The following SCARA5 variants were observed in gnomAD, a reference collection of about 807,000 sequenced individuals.
SCARA5 encodes the protein scavenger receptor class A, member 5 (putative).
In SCARA5, 45 loss-of-function variants were observed where a neutral mutation model predicts 46.3. That is an observed-to-expected ratio of 0.97 (90% CI 0.76 to 1.24). SCARA5 has a LOEUF of 1.24. SCARA5 is among the 50% of genes most tolerant of loss of function. SCARA5 has a pLI of 0.00. For synonymous variants in SCARA5, 333 were observed against 306.5 expected, an observed-to-expected ratio of 1.09 and a Z score of -0.90; for missense variants, 680 against 689.0, an observed-to-expected ratio of 0.99 and a Z score of 0.15.
At chr8:27,976,738 C>T (rs1237007033) in intron 2 of SCARA5, among the ~76,000 whole-genome samples, 1 of 152,192 alleles carries the variant, frequency 6.6e-6, no homozygotes, top group African/African-American at 2.4e-5. Flanking sequence ...TCCCTGAAGC[C>T]TCCAGCTCTG....
intron 2 of SCARA5, among the ~76,000 whole-genome samples, chr8:27,982,552 A>T (rs1437627454): frequency 6.6e-6 from 1 of 152,112 alleles, no homozygotes; most frequent in Non-Finnish European, 1.5e-5. Flanking sequence ...CCACAGGAGG[A>T]TGCTCGGCTA....
At chr8:27,901,292 C>T (rs566636915) in intron 7 of SCARA5, among the ~76,000 whole-genome samples, 72 of 152,220 alleles carry the variant, frequency 4.7e-4, no homozygotes, top group African/African-American at 1.5e-3. Flanking sequence ...GCTAACGGCA[C>T]GGGCTTCAGA....
At chr8:27,894,754 C>G (rs1807035338) in intron 7 of SCARA5, among the ~76,000 whole-genome samples, 1 of 152,234 alleles carries the variant, frequency 6.6e-6, no homozygotes, top group Non-Finnish European at 1.5e-5. Context: ...ATTCCCTCTT[C>G]CGTGTCTCTC....
intron 3 of SCARA5, among the ~76,000 whole-genome samples, chr8:27,965,243 A>G (rs2685402): frequency 0.75 from 113,745 of 152,150 alleles, 42,847 homozygotes; most frequent in Non-Finnish European, 0.79. Context: ...CGGAAAGTGA[A>G]TCAAGACCGG....
At chr8:27,918,281 C>T (rs1807499345) in intron 4 of SCARA5, among the ~76,000 whole-genome samples, 1 of 152,206 alleles carries the variant, frequency 6.6e-6, no homozygotes, top group East Asian at 1.9e-4. Flanking sequence ...TCCTACCCTG[C>T]CCTCTACAAC....
At chr8:27,967,751 A>G (rs987284030) in intron 2 of SCARA5, among the ~76,000 whole-genome samples, 2 of 152,120 alleles carry the variant, frequency 1.3e-5, no homozygotes, top group African/African-American at 2.4e-5. Context: ...TGTCTCTACT[A>G]AAAATACAAA....
chr8:27,980,242 C>A (rs1808593060), intron 2 of SCARA5, among the ~76,000 whole-genome samples: 1 of 152,190 alleles, frequency 6.6e-6, no homozygotes, highest in Admixed American at 6.5e-5. Flanking sequence ...AGCAAGGAAG[C>A]AGAGGCCAGG....
intron 2 of SCARA5, among the ~76,000 whole-genome samples, chr8:27,978,525 A>ATTTG (rs1808562368): frequency 6.6e-6 from 1 of 151,478 alleles, no homozygotes; most frequent in South Asian, 2.1e-4. Flanking sequence ...TTATTTATTT[A>ATTTG]TTTTGAGACA....
intron 3 of SCARA5, among the ~76,000 whole-genome samples, chr8:27,940,177 T>C (rs1189159049): frequency 6.6e-6 from 1 of 152,242 alleles, no homozygotes; most frequent in African/African-American, 2.4e-5. Flanking sequence ...TTTTCTCAAA[T>C]TCGTCTTTCT....
intron 3 of SCARA5, among the ~76,000 whole-genome samples, chr8:27,926,143 C>T (rs773416151): frequency 3.3e-5 from 5 of 152,170 alleles, no homozygotes; most frequent in Non-Finnish European, 7.3e-5. Flanking sequence ...AAAGAACATG[C>T]ACATGTATGT....
Position 27,922,019 on chromosome 8 carries a change from C to A in SCARA5, c.468G>T (p.Leu156=). Residue 156 remains leucine (L), a synonymous_variant, in exon 4 of 9, where the codon CTG becomes CTT. Coordinates refer to ENST00000354914, the MANE Select transcript of SCARA5 (RefSeq NM_173833.6). ...VQRLEGALWG[L]QAQAVQTEQA... Reference sequence around the variant, plus strand: ...GCTCGGTCTGCACCGCCTGCGCCTGCAGCCCCCACAGCGCGCCCTCCAGCC... The same window carrying A: ...GCTCGGTCTGCACCGCCTGCGCCTGAAGCCCCCACAGCGCGCCCTCCAGCC... 6.4e-7 allele frequency: 1 copy of A among 1,569,384 alleles called. No individual in the cohort carries two copies. The highest frequency in any genetic ancestry group is 1.4e-5 in the African/African-American group (1 of 73,164).
At chr8:27,904,700 C>T (rs1251261823) in intron 7 of SCARA5, 78 bp downstream of exon 7, 9 of 1,362,660 alleles carry the variant, frequency 6.6e-6, no homozygotes, top group Non-Finnish European at 9.5e-6. Flanking sequence ...TCTGAACCTC[C>T]AAACTTATGG....
chr8:27,894,140 G>A (rs1159199050), intron 7 of SCARA5, among the ~76,000 whole-genome samples: 1 of 152,224 alleles, frequency 6.6e-6, no homozygotes, highest in African/African-American at 2.4e-5. Flanking sequence ...AGTGCTTTGT[G>A]CGTGCATTTG....
At chr8:27,889,636 T>C (rs1806951735) in intron 7 of SCARA5, among the ~76,000 whole-genome samples, 1 of 152,188 alleles carries the variant, frequency 6.6e-6, no homozygotes, top group Non-Finnish European at 1.5e-5. Context: ...CAAGATGCCT[T>C]TTGATGGAGC....
intron 2 of SCARA5, among the ~76,000 whole-genome samples, chr8:27,984,779 TCATC>T (rs1402268678): frequency 6.6e-6 from 1 of 152,104 alleles, no homozygotes; most frequent in African/African-American, 2.4e-5. Context: ...ATTCATTCAT[TCATC>T]CATCCATTCA....
chr8:27,910,383 A>G (rs1807353462), intron 4 of SCARA5: 1 of 152,326 alleles, frequency 6.6e-6, no homozygotes, highest in African/African-American at 2.4e-5. Flanking sequence ...CAGAGGGAAC[A>G]ATCCCTACAA....
At chr8:27,971,027 C>T (rs1808440155) in intron 2 of SCARA5, among the ~76,000 whole-genome samples, 2 of 152,350 alleles carry the variant, frequency 1.3e-5, no homozygotes, top group Middle Eastern at 3.4e-3. Context: ...AAAGATGACA[C>T]ACTGTGGGAA....
intron 3 of SCARA5, among the ~76,000 whole-genome samples, chr8:27,940,461 T>C (rs1807925014): frequency 6.6e-6 from 1 of 152,216 alleles, no homozygotes; most frequent in African/African-American, 2.4e-5. Context: ...AAACAAAGGC[T>C]GGAAAATGTG....
intron 8 of SCARA5, among the ~76,000 whole-genome samples, chr8:27,872,690 C>T (rs1219587161): frequency 6.6e-6 from 1 of 152,214 alleles, no homozygotes; most frequent in Admixed American, 6.5e-5. Context: ...GCAGATTAAA[C>T]GTCTCCTGGA....
Sources: gnomAD v4.1 joint callset for allele counts (sites outside exome capture counted in the v4.1 genomes callset) on GRCh38, gnomAD v4.1.1 for gene constraint, MANE v1.5 for transcripts, NCBI Gene and HGNC (gene_info 2026-07-23, HGNC 2026-07-21) for gene names.